Variants in ST18 observed in about 807,000 individuals in gnomAD.
ST18 encodes suppression of tumorigenicity 18 protein.
Under a neutral mutation model 110.0 loss-of-function variants are expected in ST18, and 50 were observed. The observed-to-expected ratio is 0.45, with a 90% CI of 0.36 to 0.58. ST18 has a LOEUF of 0.58. Ranked by LOEUF, ST18 falls within the 20% of genes least tolerant of loss-of-function variation. The pLI is 0.00. For missense variants in ST18, 1,306 were observed against 1,280.1 expected (o/e 1.02, Z -0.31); for synonymous variants, 461 against 452.4 (o/e 1.02, Z -0.24).
At chr8:52,409,796 G>A (rs142104593), upstream of ST18, 1 of 152,250 alleles carries the variant, frequency 6.6e-6, no homozygotes. Flanking sequence ...TTTGCTCTGT[G>A]TTATTTACCA....
intron 2 of ST18, among the ~76,000 whole-genome samples, chr8:52,315,754 A>G (rs1010079912): frequency 9.9e-5 from 15 of 152,238 alleles, no homozygotes; most frequent in African/African-American, 3.6e-4. Flanking sequence ...ACTTAGCTAT[A>G]TAGCTGTCAA....
At chr8:52,129,973 A>T (rs1212268234) in intron 22 of ST18, among the ~76,000 whole-genome samples, 1 of 151,766 alleles carries the variant, frequency 6.6e-6, no homozygotes, top group Non-Finnish European at 1.5e-5. Flanking sequence ...TGAACTGGGG[A>T]GGCAGAGGTT....
intron 13 of ST18, among the ~76,000 whole-genome samples, chr8:52,162,114 G>A (rs915283917): frequency 2.0e-5 from 3 of 152,144 alleles, no homozygotes; most frequent in African/African-American, 7.2e-5. Flanking sequence ...AGGAGGCTGA[G>A]GCAGGAGAAT....
chr8:52,227,071 T>C (rs1018077120), intron 3 of ST18, among the ~76,000 whole-genome samples: 3 of 152,162 alleles, frequency 2.0e-5, no homozygotes, highest in African/African-American at 4.8e-5. Flanking sequence ...GGAGAATATA[T>C]TGAAACTTGA....
chr8:52,335,336 G>A (rs1392933561), intron 2 of ST18, among the ~76,000 whole-genome samples: 1 of 150,540 alleles, frequency 6.6e-6, no homozygotes, highest in Admixed American at 6.6e-5. Flanking sequence ...CCTCTCGCCT[G>A]CCTCAGGGAT....
chr8:52,131,834 G>A (rs1270881857), intron 22 of ST18, 124 bp downstream of exon 22: 2 of 760,664 alleles, frequency 2.6e-6, no homozygotes, highest in Non-Finnish European at 4.3e-6. Context: ...AAGACTTCAT[G>A]TTATGACATC....
At chr8:52,151,567 C>T (rs988125814) in intron 15 of ST18, among the ~76,000 whole-genome samples, 7 of 152,066 alleles carry the variant, frequency 4.6e-5, no homozygotes, top group Admixed American at 2.0e-4. Flanking sequence ...ATTAATAAAC[C>T]TTAGTTACAA....
intron 19 of ST18, 21 bp downstream of exon 19, chr8:52,136,568 CG>C: frequency 1.2e-6 from 2 of 1,602,170 alleles, no homozygotes; most frequent in Non-Finnish European, 1.7e-6. Flanking sequence ...AAGGGCAAGC[CG>C]GCCACGCTTC....
At chr8:52,375,855 C>T (rs1832149696) in intron 2 of ST18, among the ~76,000 whole-genome samples, 1 of 152,172 alleles carries the variant, frequency 6.6e-6, no homozygotes, top group Admixed American at 6.5e-5. Flanking sequence ...TCTTCACCAG[C>T]TCCACCCACA....
chr8:52,266,567 A>G (rs2094877974), intron 2 of ST18, among the ~76,000 whole-genome samples: 1 of 143,644 alleles, frequency 7.0e-6, no homozygotes, highest in Non-Finnish European at 1.5e-5. Flanking sequence ...TTTGAGACAG[A>G]GTCTCACTCT....
intron 19 of ST18, 99 bp downstream of exon 19, chr8:52,136,491 T>A: frequency 8.3e-7 from 1 of 1,207,718 alleles, no homozygotes; most frequent in African/African-American, 1.5e-5. Context: ...AGGCAGGACA[T>A]ACTGCTTGTT....
At chr8:52,407,330 TGATATCA>T (rs1454739994) in intron 2 of ST18, 9 of 152,200 alleles carry the variant, frequency 5.9e-5, no homozygotes, top group African/African-American at 1.9e-4. Context: ...TAAAACAATG[TGATATCA>T]TTTTGCATCA....
At chr8:52,299,271 T>TG (rs2095680301) in intron 2 of ST18, among the ~76,000 whole-genome samples, 1 of 152,222 alleles carries the variant, frequency 6.6e-6, no homozygotes. Flanking sequence ...TGTTTCTCTC[T>TG]GGGTAGCATT....
chr8:52,143,442 T>G (rs568280036), intron 16 of ST18, among the ~76,000 whole-genome samples: 2 of 151,484 alleles, frequency 1.3e-5, no homozygotes, highest in South Asian at 2.1e-4. Context: ...CCGAGATGGC[T>G]CCACTGCACT....
At chr8:52,369,415 G>T (rs991788771) in intron 2 of ST18, among the ~76,000 whole-genome samples, 1 of 152,196 alleles carries the variant, frequency 6.6e-6, no homozygotes, top group African/African-American at 2.4e-5. Flanking sequence ...CTGGATTGTG[G>T]ATGACGTGGT....
At chr8:52,144,332 A>AT (rs1407859415) in intron 16 of ST18, among the ~76,000 whole-genome samples, 2 of 152,208 alleles carry the variant, frequency 1.3e-5, no homozygotes, top group East Asian at 3.9e-4. Context: ...GTTCAAAATA[A>AT]TTTTTTTAAA....
At chr8:52,272,041 C>G (rs139009098) in intron 2 of ST18, among the ~76,000 whole-genome samples, 2 of 152,082 alleles carry the variant, frequency 1.3e-5, no homozygotes, top group African/African-American at 2.4e-5. Context: ...TTACTCCATA[C>G]AGAAAAATCA....
intron 3 of ST18, among the ~76,000 whole-genome samples, chr8:52,224,181 A>T (rs1029979348): frequency 6.6e-6 from 1 of 152,154 alleles, no homozygotes; most frequent in Admixed American, 6.5e-5. Context: ...TTTTATTTTT[A>T]TATTAGTCAG....
intron 2 of ST18, among the ~76,000 whole-genome samples, chr8:52,274,263 C>G (rs531820449): frequency 1.3e-5 from 2 of 152,204 alleles, no homozygotes; most frequent in South Asian, 2.1e-4. Context: ...AGGTGCTACA[C>G]AGAATTCCTT....
Sources: gnomAD v4.1 joint callset for allele counts (sites outside exome capture counted in the v4.1 genomes callset) on GRCh38, gnomAD v4.1.1 for gene constraint, MANE v1.5 for transcripts, NCBI Gene and HGNC (gene_info 2026-07-23, HGNC 2026-07-21) for gene names.